ABLIM3: variants seen among roughly 807,000 people sequenced by gnomAD.
ABLIM3 encodes the protein actin-binding LIM protein 3.
Under a neutral mutation model 109.5 loss-of-function variants are expected in ABLIM3, and 61 were observed. That is an observed-to-expected ratio of 0.56 (90% CI 0.45 to 0.69). ABLIM3 has a LOEUF of 0.69. Ranked by LOEUF, ABLIM3 falls within the 30% of genes least tolerant of loss-of-function variation. The pLI is 0.00. For synonymous variants in ABLIM3, 300 were observed against 324.8 expected (o/e 0.92, Z 0.82); for missense variants, 796 against 889.5 (o/e 0.89, Z 1.34).
chr5:149,239,950 G>A (rs989926118), intron 13 of ABLIM3, 62 bp downstream of exon 13: 1 of 1,539,440 alleles, frequency 6.5e-7, no homozygotes, highest in Non-Finnish European at 8.7e-7. Flanking sequence ...AGTCACTTGG[G>A]GTCCCTGCTG....
chr5:149,225,196 A>G (rs995203060), intron 8 of ABLIM3, among the ~76,000 whole-genome samples: 1 of 152,104 alleles, frequency 6.6e-6, no homozygotes. Flanking sequence ...AAAGCGCACA[A>G]TTCGGTAGCT....
intron 2 of ABLIM3, among the ~76,000 whole-genome samples, chr5:149,149,029 T>G (rs1753184600): frequency 6.6e-6 from 1 of 152,252 alleles, no homozygotes; most frequent in African/African-American, 2.4e-5. Flanking sequence ...TGGATTTGTA[T>G]GCTAACAAAT....
rs76399903 is a variant in ABLIM3 at position 149,240,054 on chromosome 5, C to T, written c.1204+166C>T. On this transcript the variant is annotated intron_variant, in intron 13 of 23. Coordinates refer to ENST00000309868, the MANE Select transcript of ABLIM3 (RefSeq NM_014945.5). ...GTGACCAGCTGGGCCTCTCTGAGTC[C>T]CTGAGATGGCAGGGGGGATGGAGGA... 1.3e-3 allele frequency among the ~76,000 whole-genome samples: 202 copies of T among 152,332 alleles called. 2 individuals are homozygous for T. The East Asian group carries it at 0.03, about 23-fold the overall frequency.
chr5:149,172,614 C>G (rs1561550978), intron 2 of ABLIM3, among the ~76,000 whole-genome samples: 1 of 152,184 alleles, frequency 6.6e-6, no homozygotes, highest in African/African-American at 2.4e-5. Context: ...TGCAGAGACC[C>G]CAAATTGGTG....
chr5:149,174,218 A>G (rs570859972), intron 2 of ABLIM3, among the ~76,000 whole-genome samples: 1 of 152,146 alleles, frequency 6.6e-6, no homozygotes, highest in Admixed American at 6.5e-5. Context: ...CAACAGAAAC[A>G]GTATAACCTA....
intron 17 of ABLIM3, among the ~76,000 whole-genome samples, chr5:149,247,131 G>C (rs1228878942): frequency 6.6e-6 from 1 of 152,242 alleles, no homozygotes; most frequent in South Asian, 2.1e-4. Flanking sequence ...AAGAAATGAA[G>C]TAATGATACA....
At chr5:149,142,328 G>A (rs1446839940) in intron 2 of ABLIM3, among the ~76,000 whole-genome samples, 3 of 152,178 alleles carry the variant, frequency 2.0e-5, no homozygotes, top group Admixed American at 2.0e-4. Flanking sequence ...CAGCGGCGCC[G>A]GCCGCCTCTC....
At chr5:149,213,859 A>G (rs1276671631) in intron 7 of ABLIM3, among the ~76,000 whole-genome samples, 2 of 151,814 alleles carry the variant, frequency 1.3e-5, no homozygotes, top group Non-Finnish European at 2.9e-5. Context: ...GCAATCAACT[A>G]GTTCAACCTC....
intron 2 of ABLIM3, among the ~76,000 whole-genome samples, chr5:149,160,972 G>A (rs112077666): frequency 1.7e-4 from 26 of 152,162 alleles, no homozygotes; most frequent in South Asian, 2.1e-4. Context: ...CCCATCTCTC[G>A]GCCAGCCATG....
In ABLIM3 at chr5:149,258,785, G is replaced by T; in HGVS notation, c.*381G>T. 1 of 995,526 alleles carries T rather than the reference G, an allele frequency of 1.0e-6. No homozygotes were observed. The highest frequency in any genetic ancestry group is 1.2e-6 in the Non-Finnish European group (1 of 836,870). The allele number at this position is 995,526 out of a possible 1,614,324, so 61.7% of individuals were successfully genotyped here. On this transcript the variant is annotated 3_prime_UTR_variant, in exon 24 of 24. Transcript: ENST00000309868. ...TTTCTAGGGCTGATGCTGACCATGT[G>T]GTTTCCACACCTTATTGGCCCCAGA...
intron 2 of ABLIM3, among the ~76,000 whole-genome samples, chr5:149,176,576 T>C (rs1202839361): frequency 1.3e-5 from 2 of 152,132 alleles, no homozygotes; most frequent in African/African-American, 4.8e-5. Context: ...GTCTCAGGTC[T>C]CTGAGTTTCA....
chr5:149,220,012 C>A (rs891125391), intron 8 of ABLIM3: 3 of 152,154 alleles, frequency 2.0e-5, no homozygotes, highest in African/African-American at 7.2e-5. Flanking sequence ...GGGCAAGTCT[C>A]GTAACTCTCT....
At chr5:149,154,160 C>T (rs1001118777) in intron 2 of ABLIM3, among the ~76,000 whole-genome samples, 7 of 152,230 alleles carry the variant, frequency 4.6e-5, no homozygotes, top group Admixed American at 1.3e-4. Context: ...CTGCAAGTCA[C>T]GCTCAGCTTG....
Position 149,244,908 on chromosome 5 carries a change from A to T in ABLIM3, c.1379A>T (p.Lys460Ile), listed in dbSNP as rs1323371750. ...GATTTGTCTACAGCAACCAAGAGCA[A>T]AACAAGTGAAGACATCAGCCAGACC... The part of the protein sequence containing the change: ...HGDLSTATKS[K>I]TSEDISQTSK... Residue 460 changes from lysine to isoleucine, a missense_variant, in exon 16 of 24, where the codon AAA becomes ATA. Lys to Ile is a moderately radical substitution (Grantham distance 102, BLOSUM62 -3). Transcript: ENST00000309868. The T allele has an allele frequency of 1.2e-6, 2 of 1,614,030 alleles. No individual in the cohort carries two copies. The highest frequency in any genetic ancestry group is 2.7e-5 in the African/African-American group (2 of 74,908).
rs978546201 is a variant in ABLIM3, at chr5:149,141,534, C to G, written c.-208C>G. ...ACCCGCGAGCCCGCATCATGGATGT[C>G]GAGCTCCCCTATTTCGCATTGCTAG... On this transcript the variant is annotated 5_prime_UTR_variant, in exon 1 of 24. Coordinates refer to ENST00000309868, the MANE Select transcript of ABLIM3 (RefSeq NM_014945.5). 1 of 152,850 alleles carries G rather than the reference C, an allele frequency of 6.5e-6. No individual in the cohort carries two copies. Among genetic ancestry groups the G allele is most frequent in the Non-Finnish European group, 1.5e-5 (1 of 68,284 alleles). 9.5% of individuals were successfully genotyped at this position (152,850 alleles called of 1,614,324 possible).
intron 3 of ABLIM3, among the ~76,000 whole-genome samples, chr5:149,196,034 C>T (rs1757939023): frequency 6.6e-6 from 1 of 152,166 alleles, no homozygotes; most frequent in Non-Finnish European, 1.5e-5. Context: ...ACAGAGGCCC[C>T]AGAGAAGTGA....
chr5:149,242,957 G>A (rs927324686), intron 15 of ABLIM3, among the ~76,000 whole-genome samples: 1 of 152,154 alleles, frequency 6.6e-6, no homozygotes, highest in South Asian at 2.1e-4. Flanking sequence ...TATGTGTCAC[G>A]GTTTCTCCAA....
At chr5:149,249,977 A>C in intron 19 of ABLIM3, 133 bp downstream of exon 19, 2 of 1,118,066 alleles carry the variant, frequency 1.8e-6, no homozygotes, top group Admixed American at 1.9e-5. Flanking sequence ...CAAATAGTCT[A>C]CTCCATTGTA....
chr5:149,237,855 T>C (rs1001100008), intron 11 of ABLIM3, among the ~76,000 whole-genome samples: 2 of 152,160 alleles, frequency 1.3e-5, no homozygotes, highest in Admixed American at 1.3e-4. Flanking sequence ...GCACCCCCTA[T>C]AGACAGGACA....
Sources: allele counts gnomAD v4.1 joint callset (sites outside exome capture counted in the v4.1 genomes callset), GRCh38; gene constraint gnomAD v4.1.1; transcripts MANE v1.5; gene names NCBI Gene and HGNC (gene_info 2026-07-23, HGNC 2026-07-21).